The following CNGB3 variants were observed in gnomAD, a reference collection of about 807,000 sequenced individuals.
CNGB3 encodes the protein cyclic nucleotide gated channel subunit beta 3.
In CNGB3, 86 loss-of-function variants were observed where a neutral mutation model predicts 92.8. The ratio of observed to expected loss-of-function variants is 0.93; its 90% CI spans 0.78 to 1.11. CNGB3 has a LOEUF of 1.11. Among genes scored for constraint, CNGB3 ranks in the 50% least tolerant of loss-of-function variants. The probability of loss-of-function intolerance (pLI) is 0.00; values close to 1 mark genes in which losing one functional copy is unlikely to be tolerated. For missense variants in CNGB3, 1,026 were observed against 956.8 expected (o/e 1.07, Z -0.95); for synonymous variants, 333 against 332.7 (o/e 1.00, Z -0.01).
chr8:86,692,127 A>G (rs1233254361), intron 3 of CNGB3, among the ~76,000 whole-genome samples: 1 of 152,048 alleles, frequency 6.6e-6, no homozygotes, highest in East Asian at 1.9e-4. Context: ...ATTTATTGAG[A>G]CTTGTTTCGT....
chr8:86,692,783 C>T (rs1188479223), intron 3 of CNGB3, among the ~76,000 whole-genome samples: 1 of 118,746 alleles, frequency 8.4e-6, no homozygotes, highest in Non-Finnish European at 1.8e-5. Context: ...TAGTTGTTGC[C>T]TAAATACCTT....
chr8:86,604,592 G>A (rs761767268), intron 14 of CNGB3, among the ~76,000 whole-genome samples: 3 of 152,156 alleles, frequency 2.0e-5, no homozygotes, highest in Non-Finnish European at 2.9e-5. Context: ...TAGCCAAAGA[G>A]CATAGACTGC....
At chr8:86,594,818 C>T (rs941073809) in intron 15 of CNGB3, among the ~76,000 whole-genome samples, 1 of 152,214 alleles carries the variant, frequency 6.6e-6, no homozygotes, top group Non-Finnish European at 1.5e-5. Flanking sequence ...AAGCGATTCT[C>T]CTGCCTCAGC....
chr8:86,665,165 A>G (rs1160933825), intron 6 of CNGB3, among the ~76,000 whole-genome samples: 2 of 152,222 alleles, frequency 1.3e-5, no homozygotes, highest in East Asian at 1.9e-4. Flanking sequence ...AAGTGAAAAA[A>G]TGCTCCACAT....
At chr8:86,577,133 AGAG>A (rs572768388) in intron 17 of CNGB3, among the ~76,000 whole-genome samples, 780 of 76,928 alleles carry the variant, frequency 0.01, 10 homozygotes, top group African/African-American at 0.031. Context: ...CCAAAAAAAA[AGAG>A]AGAGAGAGAG....
chr8:86,697,735 G>A (rs1005600718), intron 3 of CNGB3, among the ~76,000 whole-genome samples: 2 of 152,140 alleles, frequency 1.3e-5, no homozygotes, highest in African/African-American at 4.8e-5. Context: ...TTGGTGTGCT[G>A]CACCTGTTAA....
chr8:86,673,848 C>A (rs767775383), intron 3 of CNGB3, among the ~76,000 whole-genome samples: 2 of 152,104 alleles, frequency 1.3e-5, no homozygotes, highest in Admixed American at 1.3e-4. Context: ...TGTGATAAAA[C>A]CTTGTCTGTG....
chr8:86,668,018 C>T lies in CNGB3; in HGVS notation c.643+1G>A, dbSNP rs1432404353. The T allele has an allele frequency of 6.2e-7, 1 of 1,613,846 alleles. No individual in the cohort carries two copies. The highest frequency in any genetic ancestry group is 2.2e-5 in the East Asian group (1 of 44,858). The stretch of plus-strand genomic sequence containing the variant: ...TATGATAATTCACCCTTTGATAATA[C>T]CTGTGTATGAATCTATGCTGTTTGG... On this transcript the variant is annotated splice_donor_variant, in intron 5 of 17. Coordinates refer to ENST00000320005, the MANE Select transcript of CNGB3 (RefSeq NM_019098.5). LOFTEE classifies it high-confidence loss of function.
chr8:86,581,735 A>ACC (rs138114419), intron 15 of CNGB3, among the ~76,000 whole-genome samples: 5 of 151,536 alleles, frequency 3.3e-5, no homozygotes, highest in African/African-American at 4.8e-5. Context: ...TCCATACCTT[A>ACC]CCCCCCCACC....
At chr8:86,591,157 C>T (rs1585953028) in intron 15 of CNGB3, among the ~76,000 whole-genome samples, 1 of 150,386 alleles carries the variant, frequency 6.6e-6, no homozygotes, top group East Asian at 2.0e-4. Context: ...CTGCATTCTT[C>T]ACGTAGTTCT....
At chr8:86,583,190 C>A (rs1395231928) in intron 15 of CNGB3, among the ~76,000 whole-genome samples, 1 of 152,132 alleles carries the variant, frequency 6.6e-6, no homozygotes, top group Non-Finnish European at 1.5e-5. Flanking sequence ...CATGAGCCAC[C>A]ATGCTCGACA....
intron 15 of CNGB3, among the ~76,000 whole-genome samples, chr8:86,597,310 C>T (rs1822193260): frequency 6.6e-6 from 1 of 152,146 alleles, no homozygotes; most frequent in Non-Finnish European, 1.5e-5. Flanking sequence ...GGAGTGAGAA[C>T]TGGGTTCCTG....
intron 3 of CNGB3, among the ~76,000 whole-genome samples, chr8:86,686,519 C>A (rs886449223): frequency 6.6e-6 from 1 of 152,052 alleles, no homozygotes; most frequent in East Asian, 1.9e-4. Context: ...ATTGCAGACA[C>A]CCTATGGATC....
intron 15 of CNGB3, among the ~76,000 whole-genome samples, chr8:86,589,960 T>A (rs7822496): frequency 0.89 from 115,569 of 130,020 alleles, 51,490 homozygotes; most frequent in African/African-American, 0.96. Context: ...CCCATTATTA[T>A]TGTGTGGGAG....
intron 11 of CNGB3, among the ~76,000 whole-genome samples, chr8:86,630,997 C>T (rs1423124327): frequency 6.6e-6 from 1 of 152,178 alleles, no homozygotes; most frequent in African/African-American, 2.4e-5. Context: ...CCCTGCTCAG[C>T]ATCTTTTATT....
chr8:86,712,041 C>A (rs923216318), intron 3 of CNGB3, among the ~76,000 whole-genome samples: 1 of 151,852 alleles, frequency 6.6e-6, no homozygotes, highest in African/African-American at 2.4e-5. Context: ...GTACACTGTG[C>A]TTCTGGTATT....
Position 86,626,024 on chromosome 8 carries a change from C to CA in CNGB3, c.1536dup (p.Asp513Ter). On this transcript the variant is annotated frameshift_variant, in exon 13 of 18. Coordinates refer to ENST00000320005, the MANE Select transcript of CNGB3 (RefSeq NM_019098.5). LOFTEE classifies it high-confidence loss of function. ...TTGCTGATGATGCTGAAGTTCACAT[C>CA]AATGGCGAGGGCTAACTGGACCGTA... is the stretch of plus-strand genomic sequence containing the variant. 1.9e-6 allele frequency: 3 copies of CA among 1,613,832 alleles called. No homozygotes were observed. The highest frequency in any genetic ancestry group is 2.5e-6 in the Non-Finnish European group (3 of 1,179,886).
chr8:86,692,259 G>A (rs1304545242), intron 3 of CNGB3, among the ~76,000 whole-genome samples: 1 of 152,132 alleles, frequency 6.6e-6, no homozygotes, highest in Non-Finnish European at 1.5e-5. Context: ...GTAGTTTATA[G>A]TTTAAGTCCC....
chr8:86,617,243 G>A (rs1585971960), intron 13 of CNGB3, among the ~76,000 whole-genome samples: 1 of 152,166 alleles, frequency 6.6e-6, no homozygotes, highest in African/African-American at 2.4e-5. Flanking sequence ...CTTGGAATGC[G>A]TACCCTCTTA....
Sources: allele counts gnomAD v4.1 joint callset (sites outside exome capture counted in the v4.1 genomes callset), GRCh38; gene constraint gnomAD v4.1.1; transcripts MANE v1.5; gene names NCBI Gene and HGNC (gene_info 2026-07-23, HGNC 2026-07-21).